CCDC87: variants seen among roughly 807,000 people sequenced by gnomAD.
CCDC87 encodes the protein coiled-coil domain containing 87.
For missense variants in CCDC87, 1,072 were observed against 1,041.7 expected (o/e 1.03, Z -0.40); for synonymous variants, 434 against 440.2 (o/e 0.99, Z 0.18).
Position 66,592,374 on chromosome 11 carries a change from G to A in CCDC87, c.642C>T (p.Ser214=), listed in dbSNP as rs1858384685. The change falls in exon 1 of 1, where the codon AGC becomes AGT. Residue 214 remains serine, a synonymous_variant. Transcript: ENST00000333861. ...AGCACTGCACTTGGGCGAAGCCAGT[G>A]CTGTGAGGCCAGGGGATAGGGCACA... ...FKLCPIPWPH[S]TGFAQVQCSN... The A allele has an allele frequency of 1.2e-6, 2 of 1,614,194 alleles. No individual in the cohort carries two copies. The highest frequency in any genetic ancestry group is 1.7e-5 in the Admixed American group (1 of 60,030).
Position 66,592,826 on chromosome 11 carries a change from T to G in CCDC87, c.190A>C (p.Lys64Gln). The change falls in exon 1 of 1, where the codon AAG (lysine) becomes CAG (glutamine). Residue 64 changes from lysine (K) to glutamine (Q), a missense_variant. Lys to Gln is a moderately conservative substitution (Grantham distance 53). Coordinates refer to ENST00000333861, the MANE Select transcript of CCDC87 (RefSeq NM_018219.3). ...TVASLCSQVA[K>Q]LLAGSGIAAG... ...GCTATCCCGCTGCCGGCCAGCAGCT[T>G]GGCCACCTGGCTGCACAGCGACGCC... is the stretch of plus-strand genomic sequence containing the variant. 6.3e-7 allele frequency: 1 copy of G among 1,593,784 alleles called. No individual in the cohort carries two copies.
In CCDC87 at chr11:66,591,893, C is replaced by A; in HGVS notation, c.1123G>T (p.Asp375Tyr). The A allele has an allele frequency of 6.2e-7, 1 of 1,613,974 alleles. No homozygotes were observed. The highest frequency in any genetic ancestry group is 8.5e-7 in the Non-Finnish European group (1 of 1,179,996). ...CCCAGGAGAGGAGGCAGGCCTGAGT[C>A]CAGTGGTGGGTAGCGAGTCCCCTCC... is the stretch of plus-strand genomic sequence containing the variant. ...KLEGTRYPPL[D>Y]SGLPPLLGVV... The change falls in exon 1 of 1, where the codon GAC (aspartate) becomes TAC (tyrosine). Residue 375 changes from aspartate to tyrosine, a missense_variant. Transcript: ENST00000333861.
chr11:66,592,663 G>T lies in CCDC87; in HGVS notation c.353C>A (p.Ala118Asp), dbSNP rs780321060. ...CTGCTCGCTGCTCAGCAGCACGTAG[G>T]CCTCGAGCCGCTTCCGCAGCTTCTG... The part of the protein sequence containing the change: ...NNQKLRKRLE[A>D]YVLLSSEQLF... The change falls in exon 1 of 1, where the codon GCC (alanine) becomes GAC (aspartate). Residue 118 changes from alanine to aspartate, a missense_variant. Ala to Asp is a moderately radical substitution (Grantham distance 126). Transcript: ENST00000333861. 2 of 1,613,748 alleles carry T rather than the reference G, an allele frequency of 1.2e-6. No individual in the cohort carries two copies. The highest frequency in any genetic ancestry group is 1.3e-5 in the African/African-American group (1 of 74,958).
Position 66,590,896 on chromosome 11 carries a change from G to A in CCDC87, c.2120C>T (p.Ser707Phe), listed in dbSNP as rs562781742. Residue 707 changes from serine (S) to phenylalanine (F), a missense_variant, in exon 1 of 1, where the codon TCC becomes TTC. Transcript: ENST00000333861. ...AGGCAGCTGCCTCAGGCGGGCTTTGGAGCTATATTTAATGGTCATGTCCAC... is the reference window on the plus strand; with the variant it reads ...AGGCAGCTGCCTCAGGCGGGCTTTGAAGCTATATTTAATGGTCATGTCCAC... ...DQVDMTIKYS[S>F]KARLRQLPSL... 575 of 1,613,756 alleles carry A rather than the reference G, an allele frequency of 3.6e-4. 5 individuals are homozygous for A. In the South Asian group the frequency reaches 5.9e-3, roughly 17 times the overall value.
chr11:66,592,886 T>A lies in CCDC87; in HGVS notation c.130A>T (p.Ile44Phe). 6.5e-7 allele frequency: 1 copy of A among 1,544,354 alleles called. No homozygotes were observed. The highest frequency in any genetic ancestry group is 1.4e-5 in the African/African-American group (1 of 72,630). Reference sequence around the variant, plus strand: ...TTCGCCAGAGGGAAGGACTGCAGAATCCGGCCCTCCTGCGGGGGGCGCTTC... The same window carrying A: ...TTCGCCAGAGGGAAGGACTGCAGAAACCGGCCCTCCTGCGGGGGGCGCTTC... Reference protein sequence around the residue: ...PQKRPPQEGRILQSFPLAKLT... With the variant: ...PQKRPPQEGRFLQSFPLAKLT... Residue 44 changes from isoleucine to phenylalanine, a missense_variant, in exon 1 of 1, where the codon ATT becomes TTT. Ile to Phe is a conservative substitution (Grantham distance 21). Coordinates refer to ENST00000333861, the MANE Select transcript of CCDC87 (RefSeq NM_018219.3).
At position 66,591,254 on chromosome 11, in the gene CCDC87, A is replaced by C. The variant is rs769208396; in HGVS notation, c.1762T>G (p.Trp588Gly). Reference sequence around the variant, plus strand: ...TCATCCACAGACAAGGTGGTTTTCCATGAGTTCATCAAGGAGGCCTTGTTT... The same window carrying C: ...TCATCCACAGACAAGGTGGTTTTCCCTGAGTTCATCAAGGAGGCCTTGTTT... ...WSNKASLMNS[W>G]KTTLSVDDYF... The change falls in exon 1 of 1, where the codon TGG becomes GGG. Residue 588 changes from tryptophan to glycine, a missense_variant. Coordinates refer to ENST00000333861, the MANE Select transcript of CCDC87 (RefSeq NM_018219.3). 12 of 1,614,238 alleles carry C rather than the reference A, an allele frequency of 7.4e-6. No homozygotes were observed. In the South Asian group the frequency reaches 1.2e-4, roughly 16 times the overall value.
Position 66,590,898 on chromosome 11 carries a change from G to A in CCDC87, c.2118C>T (p.Ser706=). ...KDQVDMTIKY[S]SKARLRQLPS... is the part of the protein sequence containing the mutation. Reference sequence around the variant, plus strand: ...GCAGCTGCCTCAGGCGGGCTTTGGAGCTATATTTAATGGTCATGTCCACCT... The same window carrying A: ...GCAGCTGCCTCAGGCGGGCTTTGGAACTATATTTAATGGTCATGTCCACCT... Residue 706 remains serine, a synonymous_variant, in exon 1 of 1, where the codon AGC becomes AGT. Coordinates refer to ENST00000333861, the MANE Select transcript of CCDC87 (RefSeq NM_018219.3). 2 of 1,613,750 alleles carry A rather than the reference G, an allele frequency of 1.2e-6. No individual in the cohort carries two copies. Among genetic ancestry groups the A allele is most frequent in the Non-Finnish European group, 1.7e-6 (2 of 1,180,056 alleles).
In CCDC87 at chr11:66,590,542, C is replaced by T. The variant is rs768887082; in HGVS notation, c.2474G>A (p.Arg825Gln). 13 of 1,614,002 alleles carry T rather than the reference C, an allele frequency of 8.1e-6. No homozygotes were observed. Among genetic ancestry groups the T allele is most frequent in the Middle Eastern group, 1.6e-4 (1 of 6,084 alleles). ...CAGGGCCGAGACCAGGTGGCGAACC[C>T]GCCGCTGCTGTTGCAGCCAATAGAG... is the stretch of plus-strand genomic sequence containing the variant. Reference protein sequence around the residue: ...EMLYWLQQQRRVRHLVSALKD... With the variant: ...EMLYWLQQQRQVRHLVSALKD... The change falls in exon 1 of 1, where the codon CGG (arginine) becomes CAG (glutamine). Residue 825 changes from arginine (R) to glutamine (Q), a missense_variant. Arg to Gln is a conservative substitution (Grantham distance 43, BLOSUM62 1). Coordinates refer to ENST00000333861, the MANE Select transcript of CCDC87 (RefSeq NM_018219.3).
In CCDC87 at chr11:66,591,536, C is replaced by T. The variant is rs1041476035; in HGVS notation, c.1480G>A (p.Val494Ile). ...ACATGGCTCATCAACTCCTTGTAGA[C>T]CTCCCTGGTAGTACTGCCAACAAAG... ...DNFVGSTTRE[V>I]YKELMSHVSS... Residue 494 changes from valine to isoleucine, a missense_variant, in exon 1 of 1, where the codon GTC (valine) becomes ATC (isoleucine). By Grantham distance (29) the Val-to-Ile change is conservative (BLOSUM62 3). Coordinates refer to ENST00000333861, the MANE Select transcript of CCDC87 (RefSeq NM_018219.3). The T allele has an allele frequency of 1.9e-6, 3 of 1,614,130 alleles. No homozygotes were observed. Among genetic ancestry groups the T allele is most frequent in the Middle Eastern group, 3.3e-4 (2 of 6,062 alleles).
chr11:66,591,376 C>A lies in CCDC87; in HGVS notation c.1640G>T (p.Gly547Val). ...QPQIINPELV[G>V]LYSQRANTLQ... ...AGTGTTTGCTCTCTGGGAGTAAAGT[C>A]CAACCAGCTCAGGGTTGATGATTTG... The change falls in exon 1 of 1, where the codon GGA (glycine) becomes GTA (valine). Residue 547 changes from glycine (G) to valine (V), a missense_variant. Physicochemically the swap from Gly to Val is moderately radical, Grantham distance 109 (BLOSUM62 -3). Coordinates refer to ENST00000333861, the MANE Select transcript of CCDC87 (RefSeq NM_018219.3). 1.9e-6 allele frequency: 3 copies of A among 1,614,094 alleles called. No homozygotes were observed. Among genetic ancestry groups the A allele is most frequent in the Non-Finnish European group, 2.5e-6 (3 of 1,180,024 alleles).
Position 66,591,647 on chromosome 11 carries a change from AAG to A in CCDC87, c.1367_1368del (p.Ser456PhefsTer4), listed in dbSNP as rs1464176949. Reference protein sequence around the residue: ...VRVSDRNFLDSFHIEGAGALY... With the variant: ...VRVSDRNFLDXFHIEGAGALY... Reference sequence around the variant, plus strand: ...AGGGCTCCGGCCCCCTCAATGTGGAAAGAGTCTAAGAAGTTTCTATCAGAGAC... The same window carrying A: ...AGGGCTCCGGCCCCCTCAATGTGGAAAGTCTAAGAAGTTTCTATCAGAGAC... On this transcript the variant is annotated frameshift_variant, in exon 1 of 1. Coordinates refer to ENST00000333861, the MANE Select transcript of CCDC87 (RefSeq NM_018219.3). LOFTEE classifies it low-confidence loss of function (END_TRUNC). 8.7e-6 allele frequency: 14 copies of A among 1,613,850 alleles called. No individual in the cohort carries two copies. The highest frequency in any genetic ancestry group is 1.2e-5 in the Non-Finnish European group (14 of 1,180,036).
Position 66,591,158 on chromosome 11 carries a change from C to A in CCDC87, c.1858G>T (p.Val620Phe). Residue 620 changes from valine to phenylalanine, a missense_variant, in exon 1 of 1, where the codon GTT becomes TTT. By Grantham distance (50) the Val-to-Phe change is conservative. Transcript: ENST00000333861. ...HVIFQMHEEE[V>F]PVEIVAPARE... ...GCAGGGGCCACAATCTCCACAGGAA[C>A]CTCTTCTTCATGCATTTGAAAGATG... The A allele has an allele frequency of 1.9e-6, 3 of 1,614,170 alleles. No homozygotes were observed. Among genetic ancestry groups the A allele is most frequent in the Non-Finnish European group, 2.5e-6 (3 of 1,180,034 alleles).
chr11:66,590,523 CGA>C lies in CCDC87; in HGVS notation c.2491_2492del (p.Ser831GlyfsTer30), dbSNP rs776077316. On this transcript the variant is annotated frameshift_variant, in exon 1 of 1. Coordinates refer to ENST00000333861, the MANE Select transcript of CCDC87 (RefSeq NM_018219.3). LOFTEE classifies it low-confidence loss of function (END_TRUNC). ...TTGACTGGTGGGGATCCTTCAGGGCCGAGACCAGGTGGCGAACCCGCCGCTGC... is the reference window on the plus strand; with the variant it reads ...TTGACTGGTGGGGATCCTTCAGGGCCGACCAGGTGGCGAACCCGCCGCTGC... ...QQQRRVRHLV[S>X]ALKDPHQSTL... 2 of 1,613,888 alleles carry C rather than the reference CGA, an allele frequency of 1.2e-6. No individual in the cohort carries two copies. The highest frequency in any genetic ancestry group is 4.5e-5 in the East Asian group (2 of 44,884).
At position 66,592,262 on chromosome 11, in the gene CCDC87, A is replaced by T. The variant is rs769013983; in HGVS notation, c.754T>A (p.Leu252Met). 3.2e-5 allele frequency: 52 copies of T among 1,614,060 alleles called. No homozygotes were observed. Among genetic ancestry groups the T allele is most frequent in the Non-Finnish European group, 4.2e-5 (50 of 1,180,032 alleles). Residue 252 changes from leucine to methionine, a missense_variant, in exon 1 of 1, where the codon TTG becomes ATG. Physicochemically the swap from Leu to Met is conservative, Grantham distance 15 (BLOSUM62 2). Coordinates refer to ENST00000333861, the MANE Select transcript of CCDC87 (RefSeq NM_018219.3). ...CTCTTCAACCGAGGGATGGACTTCA[A>T]TTCCTTCACTGGATCCATCCTTCCT... The part of the protein sequence containing the change: ...EPGRMDPVKE[L>M]KSIPRLKRKK...
In CCDC87 at chr11:66,592,980, C is replaced by G. The variant is rs778731964; in HGVS notation, c.36G>C (p.Gln12His). Reference sequence around the variant, plus strand: ...GACGCAGCAGCCGGTGGTAAAACCGCTGGAGCTCAGGCTCGGGCTTCGGGG... The same window carrying G: ...GACGCAGCAGCCGGTGGTAAAACCGGTGGAGCTCAGGCTCGGGCTTCGGGG... ...MEPPKPEPEL[Q>H]RFYHRLLRPL... is the part of the protein sequence containing the mutation. Residue 12 changes from glutamine to histidine, a missense_variant, in exon 1 of 1, where the codon CAG (glutamine) becomes CAC (histidine). By Grantham distance (24) the Gln-to-His change is conservative. Coordinates refer to ENST00000333861, the MANE Select transcript of CCDC87 (RefSeq NM_018219.3). 1.3e-6 allele frequency: 2 copies of G among 1,516,044 alleles called. No individual in the cohort carries two copies. The highest frequency in any genetic ancestry group is 4.6e-5 in the East Asian group (2 of 43,884). The allele number at this position is 1,516,044 out of a possible 1,614,324, so 93.9% of individuals were successfully genotyped here. A position where few individuals can be genotyped will look rare whatever the true frequency, so the allele number is the denominator to read the frequency against.
In CCDC87 at chr11:66,591,980, G is replaced by A; in HGVS notation, c.1036C>T (p.Pro346Ser). ...TPLVLATESK[P>S]ELTGLIVAED... Reference sequence around the variant, plus strand: ...GCCACGATGAGCCCAGTCAGCTCTGGTTTGCTCTCTGTAGCCAAGACCAGC... The same window carrying A: ...GCCACGATGAGCCCAGTCAGCTCTGATTTGCTCTCTGTAGCCAAGACCAGC... The change falls in exon 1 of 1, where the codon CCA (proline) becomes TCA (serine). Residue 346 changes from proline (P) to serine (S), a missense_variant. Transcript: ENST00000333861. 1 of 1,613,948 alleles carries A rather than the reference G, an allele frequency of 6.2e-7. No homozygotes were observed. The highest frequency in any genetic ancestry group is 8.5e-7 in the Non-Finnish European group (1 of 1,180,044).
In CCDC87 at chr11:66,592,727, C is replaced by T. The variant is rs762394264; in HGVS notation, c.289G>A (p.Glu97Lys). 1.2e-6 allele frequency: 2 copies of T among 1,613,992 alleles called. No homozygotes were observed. Among genetic ancestry groups the T allele is most frequent in the South Asian group, 2.2e-5 (2 of 91,090 alleles). The change falls in exon 1 of 1, where the codon GAG (glutamate) becomes AAG (lysine). Residue 97 changes from glutamate (E) to lysine (K), a missense_variant. Glu to Lys is a moderately conservative substitution (Grantham distance 56). Transcript: ENST00000333861. ...ILDELKCSWREPPAELSLSHK... is the reference protein window; with the variant it reads ...ILDELKCSWRKPPAELSLSHK... ...CTCAGACTAAGTTCGGCGGGCGGCT[C>T]CCGCCAGCTGCACTTCAGCTCGTCC...
In CCDC87 at chr11:66,591,268, G is replaced by C; in HGVS notation, c.1748C>G (p.Ser583Cys). The C allele has an allele frequency of 2.5e-6, 4 of 1,614,234 alleles. No homozygotes were observed. The highest frequency in any genetic ancestry group is 3.4e-6 in the Non-Finnish European group (4 of 1,180,044). ...GGTGGTTTTCCATGAGTTCATCAAG[G>C]AGGCCTTGTTTGACCACTTCTCCCA... The part of the protein sequence containing the change: ...KSWEKWSNKA[S>C]LMNSWKTTLS... The change falls in exon 1 of 1, where the codon TCC becomes TGC. Residue 583 changes from serine to cysteine, a missense_variant. Ser to Cys is a moderately radical substitution (Grantham distance 112). Transcript: ENST00000333861.
In CCDC87 at chr11:66,591,664, C is replaced by T; in HGVS notation, c.1352G>A (p.Arg451Lys). The change falls in exon 1 of 1, where the codon AGA becomes AAA. Residue 451 changes from arginine (R) to lysine (K), a missense_variant. Arg to Lys is a conservative substitution (Grantham distance 26). Transcript: ENST00000333861. ...VQAAAVRVSD[R>K]NFLDSFHIEG... The stretch of plus-strand genomic sequence containing the variant: ...AATGTGGAAAGAGTCTAAGAAGTTT[C>T]TATCAGAGACCCGTACGGCAGCCGC... 6.2e-7 allele frequency: 1 copy of T among 1,613,852 alleles called. No individual in the cohort carries two copies. The highest frequency in any genetic ancestry group is 1.1e-5 in the South Asian group (1 of 91,076).
Sources: allele counts gnomAD v4.1 joint callset, GRCh38; gene constraint gnomAD v4.1.1; transcripts MANE v1.5; gene names NCBI Gene and HGNC (gene_info 2026-07-23, HGNC 2026-07-21).